The following MUSK variants were observed in gnomAD, a reference collection of about 807,000 sequenced individuals.
MUSK encodes muscle, skeletal receptor tyrosine-protein kinase.
Under a neutral mutation model 88.7 loss-of-function variants are expected in MUSK, and 55 were observed. The ratio of observed to expected loss-of-function variants is 0.62; its 90% CI spans 0.50 to 0.78. The LOEUF is 0.78. Among genes scored for constraint, MUSK ranks in the 30% least tolerant of loss-of-function variants. MUSK has a pLI of 0.00. For missense variants in MUSK, 1,015 were observed against 1,074.3 expected (o/e 0.94, Z 0.77); for synonymous variants, 387 against 391.9 (o/e 0.99, Z 0.15).
intron 9 of MUSK, 29 bp from the exon 10 acceptor site, chr9:110,775,759 C>G (rs2077658354): frequency 6.2e-7 from 1 of 1,606,330 alleles, no homozygotes; most frequent in Non-Finnish European, 8.5e-7. Context: ...AATGATTCAT[C>G]AAGTTTTGTT....
chr9:110,738,901 A>T (rs1182048629), intron 6 of MUSK, among the ~76,000 whole-genome samples: 1 of 152,156 alleles, frequency 6.6e-6, no homozygotes, highest in Non-Finnish European at 1.5e-5. Flanking sequence ...CACATTAGCA[A>T]GTCCCCAATT....
intron 1 of MUSK, among the ~76,000 whole-genome samples, chr9:110,680,663 G>A: frequency 6.6e-6 from 1 of 151,810 alleles, no homozygotes; most frequent in African/African-American, 2.4e-5. Flanking sequence ...TGGGATGACA[G>A]GTGTGAGCCA....
chr9:110,788,276 C>T (rs1047570931), intron 14 of MUSK, among the ~76,000 whole-genome samples: 3 of 152,060 alleles, frequency 2.0e-5, no homozygotes, highest in Non-Finnish European at 4.4e-5. Flanking sequence ...ATAAATTCAA[C>T]ACAAATTTTA....
chr9:110,681,322 T>G (rs1252058711), intron 1 of MUSK, among the ~76,000 whole-genome samples: 2 of 148,982 alleles, frequency 1.3e-5, no homozygotes, highest in Non-Finnish European at 3.0e-5. Flanking sequence ...TTCAACTTTT[T>G]TATTTACTCC....
intron 1 of MUSK, among the ~76,000 whole-genome samples, chr9:110,672,920 G>T (rs1026765686): frequency 5.3e-5 from 8 of 152,086 alleles, no homozygotes; most frequent in African/African-American, 1.9e-4. Context: ...CTTTTCTTCG[G>T]GTCCAGAAAA....
At chr9:110,755,731 C>T (rs2077301849) in intron 7 of MUSK, among the ~76,000 whole-genome samples, 1 of 151,772 alleles carries the variant, frequency 6.6e-6, no homozygotes, top group South Asian at 2.1e-4. Context: ...TACACCCTTC[C>T]CTTCTTCCCT....
chr9:110,716,035 T>C (rs555502450), intron 5 of MUSK, among the ~76,000 whole-genome samples: 5 of 149,744 alleles, frequency 3.3e-5, no homozygotes, highest in Non-Finnish European at 5.9e-5. Context: ...GCTTATTACC[T>C]AAGTGATGGG....
At chr9:110,702,087 A>G (rs1189089543) in intron 5 of MUSK, among the ~76,000 whole-genome samples, 1 of 151,272 alleles carries the variant, frequency 6.6e-6, no homozygotes, top group Non-Finnish European at 1.5e-5. Flanking sequence ...CTCGGATATG[A>G]GCCTAGGATT....
At chr9:110,728,693 A>C in intron 5 of MUSK, 1 of 1,585,088 alleles carries the variant, frequency 6.3e-7, no homozygotes, top group Non-Finnish European at 8.5e-7. Flanking sequence ...AACAGAAGAA[A>C]GTGAACCCGA....
intron 6 of MUSK, among the ~76,000 whole-genome samples, chr9:110,739,766 C>T (rs2077074105): frequency 6.6e-6 from 1 of 152,070 alleles, no homozygotes; most frequent in South Asian, 2.1e-4. Flanking sequence ...ATACTTTTAT[C>T]CCTTAAGGAG....
intron 8 of MUSK, among the ~76,000 whole-genome samples, chr9:110,767,184 A>G (rs1259812286): frequency 3.9e-5 from 6 of 152,358 alleles, no homozygotes; most frequent in South Asian, 2.1e-4. Flanking sequence ...GTGATGAGAC[A>G]TGATGAGAAA....
chr9:110,731,892 A>C (rs1451641403), intron 5 of MUSK, among the ~76,000 whole-genome samples: 2 of 152,232 alleles, frequency 1.3e-5, no homozygotes, highest in Middle Eastern at 3.4e-3. Flanking sequence ...TGATATTCCA[A>C]ATATAATAAC....
At chr9:110,709,249 G>A (rs1376260051) in intron 5 of MUSK, among the ~76,000 whole-genome samples, 1 of 152,186 alleles carries the variant, frequency 6.6e-6, no homozygotes, top group Non-Finnish European at 1.5e-5. Flanking sequence ...CTCTGAGACT[G>A]TAATTGTTAT....
chr9:110,742,041 C>CT (rs1170871745), intron 6 of MUSK, among the ~76,000 whole-genome samples: 3 of 152,170 alleles, frequency 2.0e-5, no homozygotes, highest in Admixed American at 6.6e-5. Context: ...CTTTACCTCT[C>CT]TAAGAACGTT....
At chr9:110,698,601 G>C (rs1237127081) in intron 5 of MUSK, among the ~76,000 whole-genome samples, 2 of 151,906 alleles carry the variant, frequency 1.3e-5, no homozygotes, top group African/African-American at 2.4e-5. Context: ...CAGCTTTAAT[G>C]ATCTCGTTTC....
intron 3 of MUSK, among the ~76,000 whole-genome samples, chr9:110,689,313 A>C (rs2076251069): frequency 8.6e-6 from 1 of 116,890 alleles, no homozygotes. Flanking sequence ...TTATATTTAA[A>C]TATATATTAA....
Position 110,701,922 on chromosome 9 carries a change from T to A in MUSK, c.628+4456T>A, listed in dbSNP as rs558167884. On this transcript the variant is annotated intron_variant, in intron 5 of 14. Coordinates refer to ENST00000374448, the MANE Select transcript of MUSK (RefSeq NM_005592.4). ...TTATTTTATTTTATTTTATTTTATT[T>A]TATTTCATAGAGACAGGGTCTTGCT... Among the ~76,000 whole-genome samples, 68 of 140,186 alleles carry A rather than the reference T, an allele frequency of 4.9e-4. 1 individual carries two copies. The highest frequency in any genetic ancestry group is 1.7e-3 in the African/African-American group (63 of 37,702). The allele number at this position is 140,186 out of a possible 152,430, so 92.0% of individuals were successfully genotyped here.
chr9:110,688,934 A>C (rs1336179051), intron 3 of MUSK, among the ~76,000 whole-genome samples: 1 of 146,162 alleles, frequency 6.8e-6, no homozygotes, highest in African/African-American at 2.5e-5. Flanking sequence ...ATATATAAAT[A>C]TATGTAAACA....
chr9:110,776,496 G>A (rs1239194328), intron 10 of MUSK, 136 bp from the exon 11 acceptor site: 17 of 703,330 alleles, frequency 2.4e-5, no homozygotes, highest in African/African-American at 3.6e-5. Flanking sequence ...TTTCACATTC[G>A]AATGCAAAGA....
Sources: gnomAD v4.1 joint callset for allele counts (sites outside exome capture counted in the v4.1 genomes callset) on GRCh38, gnomAD v4.1.1 for gene constraint, MANE v1.5 for transcripts, NCBI Gene and HGNC (gene_info 2026-07-23, HGNC 2026-07-21) for gene names.